OXR1: variants seen among roughly 807,000 people sequenced by gnomAD.
OXR1 encodes the protein oxidation resistance protein 1.
Under a neutral mutation model 104.6 loss-of-function variants are expected in OXR1, and 41 were observed. The ratio of observed to expected loss-of-function variants is 0.39; its 90% CI spans 0.31 to 0.51. The LOEUF (loss-of-function observed/expected upper bound fraction) is 0.51, where lower values mean the gene tolerates loss of function less well. OXR1 is among the 20% of genes least tolerant of loss of function. OXR1 has a pLI of 0.77. For missense variants in OXR1, 955 were observed against 1,031.9 expected (o/e 0.93, Z 1.02); for synonymous variants, 348 against 348.4 (o/e 1.00, Z 0.01).
At chr8:106,305,339 G>A (rs1813424481) in intron 1 of OXR1, among the ~76,000 whole-genome samples, 1 of 152,122 alleles carries the variant, frequency 6.6e-6, no homozygotes, top group South Asian at 2.1e-4. Context: ...TCCATCATGG[G>A]TGAAAGTACA....
At chr8:106,678,843 A>G (rs1312595352) in intron 3 of OXR1, among the ~76,000 whole-genome samples, 1 of 152,092 alleles carries the variant, frequency 6.6e-6, no homozygotes, top group Non-Finnish European at 1.5e-5. Context: ...ATAATGATAT[A>G]TATCTTGAAA....
chr8:106,286,123 TA>T, intron 1 of OXR1, among the ~76,000 whole-genome samples: 1 of 152,282 alleles, frequency 6.6e-6, no homozygotes, highest in South Asian at 2.1e-4. Flanking sequence ...GACAGAACAC[TA>T]AAAACATGCT....
rs1815814971 is a variant in OXR1 at position 106,353,315 on chromosome 8, C to T, written c.-138-6161C>T. The stretch of plus-strand genomic sequence containing the variant: ...AGTGAGTCGAGATCACGCCACTGTA[C>T]TCCAGCCTGGGCGACTCCAGCCTGG... On this transcript the variant is annotated intron_variant, in intron 1 of 16. Transcript: ENST00000517566. Among the ~76,000 whole-genome samples, 3 of 152,158 alleles carry T rather than the reference C, an allele frequency of 2.0e-5. No homozygotes were observed. In the South Asian group the frequency reaches 6.2e-4, roughly 32 times the overall value.
At chr8:106,385,839 G>C (rs1817349432) in intron 2 of OXR1, among the ~76,000 whole-genome samples, 1 of 152,142 alleles carries the variant, frequency 6.6e-6, no homozygotes, top group Admixed American at 6.5e-5. Context: ...TATCCACCCT[G>C]CTCCCATTCT....
chr8:106,367,737 C>A (rs944602669), intron 2 of OXR1, among the ~76,000 whole-genome samples: 1 of 152,092 alleles, frequency 6.6e-6, no homozygotes, highest in African/African-American at 2.4e-5. Flanking sequence ...GAAGAATAAG[C>A]AGCTCATAAA....
At chr8:106,383,749 A>T (rs530718141) in intron 2 of OXR1, among the ~76,000 whole-genome samples, 1 of 152,324 alleles carries the variant, frequency 6.6e-6, no homozygotes, top group African/African-American at 2.4e-5. Flanking sequence ...CATTGACTTT[A>T]TTCTATTTAC....
At chr8:106,299,655 T>A (rs1185353013) in intron 1 of OXR1, among the ~76,000 whole-genome samples, 1 of 152,170 alleles carries the variant, frequency 6.6e-6, no homozygotes, top group South Asian at 2.1e-4. Flanking sequence ...ATTAATGTCA[T>A]TGCGACACTA....
intron 11 of OXR1, among the ~76,000 whole-genome samples, chr8:106,725,200 T>TGTGGGGTGTGCAA (rs1216808183): frequency 6.6e-6 from 1 of 151,938 alleles, no homozygotes; most frequent in Non-Finnish European, 1.5e-5. Flanking sequence ...AGGGTGTTAC[T>TGTGGGGTGTGCAA]GTGGGGTGTG....
intron 1 of OXR1, among the ~76,000 whole-genome samples, chr8:106,343,732 G>A (rs187161961): frequency 6.6e-6 from 1 of 152,318 alleles, no homozygotes; most frequent in East Asian, 1.9e-4. Flanking sequence ...CTTGCTGGAA[G>A]AATGGACAGT....
chr8:106,271,208 T>G (rs1465315290), intron 1 of OXR1, among the ~76,000 whole-genome samples: 1 of 152,044 alleles, frequency 6.6e-6, no homozygotes, highest in Non-Finnish European at 1.5e-5. Flanking sequence ...GATTTAGTAC[T>G]GTTATCTGAG....
In OXR1 at chr8:106,443,419, T is replaced by G. The variant is rs1164016653; in HGVS notation, c.24-75524T>G. On this transcript the variant is annotated intron_variant, in intron 2 of 16. Coordinates refer to ENST00000517566, the MANE Select transcript of OXR1 (RefSeq NM_001198533.2). ...GGTAGAGAGTTCTGTAGATGTCTAC[T>G]AAGTCTACTTGATCCAGAGCTGAAT... is the stretch of plus-strand genomic sequence containing the variant. Among the ~76,000 whole-genome samples the G allele has an allele frequency of 1.5e-4, 23 of 152,184 alleles. 1 individual carries two copies.
chr8:106,718,389 A>AT (rs1332003553), intron 11 of OXR1, among the ~76,000 whole-genome samples: 1 of 152,242 alleles, frequency 6.6e-6, no homozygotes, highest in Non-Finnish European at 1.5e-5. Flanking sequence ...ATTTAGCCAA[A>AT]TTTTAAGGTG....
intron 2 of OXR1, among the ~76,000 whole-genome samples, chr8:106,448,553 AC>A (rs1820131516): frequency 6.6e-6 from 1 of 152,182 alleles, no homozygotes; most frequent in African/African-American, 2.4e-5. Context: ...CTTGAAAAAA[AC>A]AAAATCATGA....
At chr8:106,308,997 GA>G (rs1469862457) in intron 1 of OXR1, among the ~76,000 whole-genome samples, 3 of 131,014 alleles carry the variant, frequency 2.3e-5, no homozygotes, top group Non-Finnish European at 4.8e-5. Context: ...GTTTTTTTTT[GA>G]GACAGGGTCT....
chr8:106,403,618 A>G (rs1818090704), intron 2 of OXR1, among the ~76,000 whole-genome samples: 1 of 152,162 alleles, frequency 6.6e-6, no homozygotes, highest in Middle Eastern at 3.2e-3. Context: ...AATCTCCTTG[A>G]GCCTTTGAAT....
At chr8:106,335,633 A>C (rs1814929526) in intron 1 of OXR1, among the ~76,000 whole-genome samples, 1 of 152,164 alleles carries the variant, frequency 6.6e-6, no homozygotes, top group South Asian at 2.1e-4. Flanking sequence ...AAAATAAAAA[A>C]AATTTTGATT....
rs557732467 is a variant in OXR1 at position 106,505,457 on chromosome 8, A to T, written c.24-13486A>T. On this transcript the variant is annotated intron_variant, in intron 2 of 16. Transcript: ENST00000517566. The stretch of plus-strand genomic sequence containing the variant: ...ACTCCCCATCAGAGTGTCTAATGAA[A>T]TGAGAGAGACAGAACAAAGTGGACA... 6.6e-5 allele frequency among the ~76,000 whole-genome samples: 10 copies of T among 152,320 alleles called. No individual in the cohort carries two copies. In the South Asian group the frequency reaches 2.1e-3, roughly 32 times the overall value.
intron 6 of OXR1, among the ~76,000 whole-genome samples, chr8:106,684,890 TCA>T (rs1486128104): frequency 6.6e-6 from 1 of 152,194 alleles, no homozygotes; most frequent in Non-Finnish European, 1.5e-5. Flanking sequence ...GAACTAAACT[TCA>T]TTTAATAATT....
intron 1 of OXR1, among the ~76,000 whole-genome samples, chr8:106,332,955 T>C (rs1047326669): frequency 6.6e-6 from 1 of 152,172 alleles, no homozygotes; most frequent in Non-Finnish European, 1.5e-5. Context: ...GGTTCATTCA[T>C]GTAGTAACAT....
Sources: allele counts gnomAD v4.1 joint callset (sites outside exome capture counted in the v4.1 genomes callset), GRCh38; gene constraint gnomAD v4.1.1; transcripts MANE v1.5; gene names NCBI Gene and HGNC (gene_info 2026-07-23, HGNC 2026-07-21).